SPART: variants seen among roughly 807,000 people sequenced by gnomAD.
SPART encodes the protein spartin, also known as spastic paraplegia 20 (Troyer syndrome).
SPART carries 35 observed loss-of-function variants against 58.7 expected under a neutral mutation model. The ratio of observed to expected loss-of-function variants is 0.60; its 90% CI spans 0.46 to 0.79. The LOEUF (loss-of-function observed/expected upper bound fraction) is 0.79, where lower values mean the gene tolerates loss of function less well. SPART is among the 30% of genes least tolerant of loss of function. SPART has a pLI of 0.00. For missense variants in SPART, 730 were observed against 786.1 expected, an observed-to-expected ratio of 0.93 and a Z score of 0.85; for synonymous variants, 284 against 280.7, an observed-to-expected ratio of 1.01 and a Z score of -0.12.
At chr13:36,327,081 A>G (rs984110474) in intron 4 of SPART, among the ~76,000 whole-genome samples, 17 of 152,236 alleles carry the variant, frequency 1.1e-4, no homozygotes, top group Admixed American at 7.2e-4. Flanking sequence ...TGACTCAATC[A>G]GTAAGCAAAG....
intron 1 of SPART, among the ~76,000 whole-genome samples, chr13:36,337,099 C>T (rs1179606390): frequency 6.6e-6 from 1 of 152,182 alleles, no homozygotes; most frequent in African/African-American, 2.4e-5. Flanking sequence ...GTGGTCCCCA[C>T]TTATGTATAG....
chr13:36,329,321 C>G, intron 4 of SPART, 41 bp downstream of exon 4: 1 of 1,606,434 alleles, frequency 6.2e-7, no homozygotes, highest in Non-Finnish European at 8.5e-7. Flanking sequence ...AGAAAGGTAC[C>G]ATTAGAAGAC....
chr13:36,344,007 T>C (rs1247827828), intron 1 of SPART, among the ~76,000 whole-genome samples: 1 of 145,994 alleles, frequency 6.8e-6, no homozygotes, highest in Non-Finnish European at 1.5e-5. Context: ...CCAACCAGCC[T>C]GGGTGACAGA....
At chr13:36,307,228 AAAT>A (rs1880598017) in intron 8 of SPART, among the ~76,000 whole-genome samples, 1 of 152,120 alleles carries the variant, frequency 6.6e-6, no homozygotes, top group African/African-American at 2.4e-5. Flanking sequence ...ACCAATTGAA[AAAT>A]AATAAAAAAT....
Position 36,335,779 on chromosome 13 carries a change from C to T in SPART, c.52G>A (p.Glu18Lys). The T allele has an allele frequency of 6.2e-7, 1 of 1,613,842 alleles. No homozygotes were observed. Reference protein sequence around the residue: ...GEPAEIKIIREAYKKAFLFVN... With the variant: ...GEPAEIKIIRKAYKKAFLFVN... ...AATAAAAAGGCCTTCTTATATGCTT[C>T]TCTGATGATCTTAATTTCAGCAGGT... The change falls in exon 2 of 9, where the codon GAA (glutamate) becomes AAA (lysine). Residue 18 changes from glutamate (E) to lysine (K), a missense_variant. Physicochemically the swap from Glu to Lys is moderately conservative, Grantham distance 56. Transcript: ENST00000438666.
intron 1 of SPART, chr13:36,368,467 C>A (rs1356218574): frequency 1.3e-5 from 2 of 159,100 alleles, no homozygotes; most frequent in South Asian, 1.6e-4. Flanking sequence ...ATGAAAAAAA[C>A]CTGCCAATAG....
Position 36,304,501 on chromosome 13 carries a change from T to A in SPART, c.1865A>T (p.His622Leu), listed in dbSNP as rs368743029. Residue 622 changes from histidine (H) to leucine (L), a missense_variant, in exon 9 of 9, where the codon CAC becomes CTC. His to Leu is a moderately conservative substitution (Grantham distance 99). Transcript: ENST00000438666. Reference sequence around the variant, plus strand: ...TATCTGATAGTCCTCAAGGAGAGTGTGTCCTGTTTGTGTTGCAGTTTTCTT... The same window carrying A: ...TATCTGATAGTCCTCAAGGAGAGTGAGTCCTGTTTGTGTTGCAGTTTTCTT... ...MVKKTATQTG[H>L]TLLEDYQIVD... 1 of 1,614,170 alleles carries A rather than the reference T, an allele frequency of 6.2e-7. No individual in the cohort carries two copies. Among genetic ancestry groups the A allele is most frequent in the African/African-American group, 1.3e-5 (1 of 75,050 alleles).
At chr13:36,346,552 C>T (rs990057329), upstream of SPART, 2 of 152,500 alleles carry the variant, frequency 1.3e-5, no homozygotes, top group Non-Finnish European at 2.9e-5. Context: ...CATCACCGGC[C>T]TGCTCAGACT....
chr13:36,356,482 C>T (rs1385218772), intron 1 of SPART, among the ~76,000 whole-genome samples: 2 of 152,196 alleles, frequency 1.3e-5, no homozygotes, highest in African/African-American at 4.8e-5. Context: ...TGGGTCTCCA[C>T]AATCCTTTGT....
chr13:36,353,917 G>C (rs9594062), intron 1 of SPART, among the ~76,000 whole-genome samples: 50,485 of 152,074 alleles, frequency 0.33, 9,346 homozygotes, highest in Non-Finnish European at 0.42. Flanking sequence ...CCAAGGCCTA[G>C]ACAGAGGTAA....
At chr13:36,314,089 A>C in intron 6 of SPART, 138 bp downstream of exon 6, 1 of 876,730 alleles carries the variant, frequency 1.1e-6, no homozygotes, top group East Asian at 2.6e-5. Context: ...CTCACTATGA[A>C]TAACAAAGAG....
In SPART at chr13:36,335,400, T is replaced by A. The variant is rs1334364262; in HGVS notation, c.431A>T (p.Asn144Ile). The stretch of plus-strand genomic sequence containing the variant: ...TGCCCCTGCACTTGGAGTTGAGGTG[T>A]TTCCATTTACTTCAGCATGCTGAGG... ...SAPQHAEVNG[N>I]TSTPSAGAVA... Residue 144 changes from asparagine to isoleucine, a missense_variant, in exon 2 of 9, where the codon AAC becomes ATC. Asn to Ile is a moderately radical substitution (Grantham distance 149, BLOSUM62 -3). Coordinates refer to ENST00000438666, the MANE Select transcript of SPART (RefSeq NM_015087.5). 6.2e-7 allele frequency: 1 copy of A among 1,613,988 alleles called. No individual in the cohort carries two copies. Among genetic ancestry groups the A allele is most frequent in the Non-Finnish European group, 8.5e-7 (1 of 1,180,020 alleles).
intron 1 of SPART, among the ~76,000 whole-genome samples, chr13:36,337,647 C>T (rs1884148561): frequency 6.6e-6 from 1 of 152,306 alleles, no homozygotes; most frequent in South Asian, 2.1e-4. Flanking sequence ...AACCTCTTTT[C>T]TTTATAAAGT....
chr13:36,345,616 T>A (rs1039531741), intron 1 of SPART: 1 of 152,304 alleles, frequency 6.6e-6, no homozygotes, highest in East Asian at 1.9e-4. Flanking sequence ...TAATGCTGCG[T>A]CACGAAACTG....
intron 1 of SPART, among the ~76,000 whole-genome samples, chr13:36,367,139 T>C (rs2137737055): frequency 6.6e-6 from 1 of 152,260 alleles, no homozygotes; most frequent in South Asian, 2.1e-4. Flanking sequence ...TTTTCGGTTT[T>C]TAAAGCATCT....
chr13:36,312,939 C>T (rs1346436702), intron 6 of SPART, among the ~76,000 whole-genome samples: 2 of 151,458 alleles, frequency 1.3e-5, no homozygotes, highest in South Asian at 4.2e-4. Context: ...TATTTTTCTA[C>T]TGATAAATAT....
At chr13:36,365,645 G>C in intron 1 of SPART, 1 of 464,740 alleles carries the variant, frequency 2.2e-6, no homozygotes, top group Non-Finnish European at 4.4e-6. Flanking sequence ...CTAGTTTTTT[G>C]ACTTTGTAAG....
chr13:36,342,524 G>C (rs372702478), intron 1 of SPART, among the ~76,000 whole-genome samples: 9 of 152,136 alleles, frequency 5.9e-5, no homozygotes, highest in African/African-American at 1.7e-4. Context: ...GGGTTTCTCA[G>C]TCTTGGCATG....
chr13:36,366,831 G>A (rs1886076138), intron 1 of SPART, among the ~76,000 whole-genome samples: 1 of 152,000 alleles, frequency 6.6e-6, no homozygotes, highest in Admixed American at 6.6e-5. Flanking sequence ...GAACCATGGT[G>A]TTCCTCCACT....
Sources: allele counts gnomAD v4.1 joint callset (sites outside exome capture counted in the v4.1 genomes callset), GRCh38; gene constraint gnomAD v4.1.1; transcripts MANE v1.5; gene names NCBI Gene and HGNC (gene_info 2026-07-23, HGNC 2026-07-21).